GALNT10: variants seen among roughly 807,000 people sequenced by gnomAD.
The protein encoded by GALNT10 is GalNAc transferase 10.
In GALNT10, 41 loss-of-function variants were observed where a neutral mutation model predicts 75.0. The observed-to-expected ratio is 0.55, with a 90% CI of 0.43 to 0.71. The LOEUF is 0.71. GALNT10 is among the 30% of genes least tolerant of loss of function. The probability of loss-of-function intolerance (pLI) is 0.00; values close to 1 mark genes in which losing one functional copy is unlikely to be tolerated. For synonymous variants in GALNT10, 302 were observed against 313.0 expected (o/e 0.96, Z 0.37); for missense variants, 727 against 818.5 (o/e 0.89, Z 1.36).
At chr5:154,355,223 C>T (rs1755269494) in intron 4 of GALNT10, among the ~76,000 whole-genome samples, 1 of 152,200 alleles carries the variant, frequency 6.6e-6, no homozygotes, top group African/African-American at 2.4e-5. Flanking sequence ...CCCCACCTTC[C>T]TGTCCAACCT....
At chr5:154,291,934 T>C (rs1273939386) in intron 1 of GALNT10, among the ~76,000 whole-genome samples, 1 of 152,158 alleles carries the variant, frequency 6.6e-6, no homozygotes, top group East Asian at 1.9e-4. Context: ...GCTGATGAGC[T>C]GAGGGAAGTC....
At chr5:154,358,571 G>T (rs1755332977) in intron 4 of GALNT10, among the ~76,000 whole-genome samples, 2 of 152,090 alleles carry the variant, frequency 1.3e-5, no homozygotes, top group South Asian at 4.1e-4. Context: ...GCTGCTCTTA[G>T]AGCCTCTCTC....
At chr5:154,282,913 T>C (rs1754058763) in intron 1 of GALNT10, among the ~76,000 whole-genome samples, 1 of 152,184 alleles carries the variant, frequency 6.6e-6, no homozygotes, top group African/African-American at 2.4e-5. Context: ...CAAATGATCA[T>C]CCAAATGAAT....
intron 4 of GALNT10, among the ~76,000 whole-genome samples, chr5:154,365,648 A>G (rs1755463497): frequency 2.0e-5 from 3 of 152,094 alleles, no homozygotes; most frequent in Admixed American, 2.0e-4. Flanking sequence ...TTTACATCAC[A>G]TACTCTATAG....
At chr5:154,406,670 G>A (rs377539138) in intron 8 of GALNT10, among the ~76,000 whole-genome samples, 104 of 152,220 alleles carry the variant, frequency 6.8e-4, no homozygotes, top group African/African-American at 2.3e-3. Flanking sequence ...GGTGGTGTGC[G>A]CCTGTAATAC....
intron 10 of GALNT10, among the ~76,000 whole-genome samples, chr5:154,413,395 G>A (rs1182124617): frequency 6.6e-6 from 1 of 152,220 alleles, no homozygotes; most frequent in Non-Finnish European, 1.5e-5. Flanking sequence ...GCAGCCCCAT[G>A]GATAGGCATG....
At chr5:154,379,868 G>A (rs900479119) in intron 5 of GALNT10, among the ~76,000 whole-genome samples, 1 of 152,116 alleles carries the variant, frequency 6.6e-6, no homozygotes, top group African/African-American at 2.4e-5. Context: ...CCATAGTTCC[G>A]ATGATTGAAA....
At chr5:154,287,727 G>A (rs959119295) in intron 1 of GALNT10, among the ~76,000 whole-genome samples, 1 of 152,068 alleles carries the variant, frequency 6.6e-6, no homozygotes, top group African/African-American at 2.4e-5. Flanking sequence ...TCATTGTTTG[G>A]ATGAATGAAT....
chr5:154,413,909 G>A (rs758053136), intron 10 of GALNT10, among the ~76,000 whole-genome samples: 2 of 152,142 alleles, frequency 1.3e-5, no homozygotes, highest in Non-Finnish European at 2.9e-5. Flanking sequence ...TAAAGGACTT[G>A]TATCTAGAAT....
chr5:154,243,855 T>G (rs571213702), intron 1 of GALNT10, among the ~76,000 whole-genome samples: 1 of 152,340 alleles, frequency 6.6e-6, no homozygotes, highest in African/African-American at 2.4e-5. Context: ...ACAGATATTA[T>G]AAATTGGTCC....
intron 1 of GALNT10, among the ~76,000 whole-genome samples, chr5:154,245,977 G>A (rs1285562720): frequency 2.3e-5 from 3 of 129,932 alleles, no homozygotes; most frequent in Non-Finnish European, 3.2e-5. Context: ...CCCCACAACA[G>A]GCCCCAGAGT....
chr5:154,208,873 G>A (rs960809109), intron 1 of GALNT10, among the ~76,000 whole-genome samples: 1 of 152,186 alleles, frequency 6.6e-6, no homozygotes, highest in Non-Finnish European at 1.5e-5. Flanking sequence ...CCCCAGTGTT[G>A]AGTTAACAGC....
chr5:154,316,247 T>G (rs1486816955), intron 3 of GALNT10, among the ~76,000 whole-genome samples: 1 of 152,218 alleles, frequency 6.6e-6, no homozygotes, highest in Non-Finnish European at 1.5e-5. Flanking sequence ...TGATTTAGAT[T>G]TGTTATTTAC....
intron 1 of GALNT10, among the ~76,000 whole-genome samples, chr5:154,286,602 G>A (rs527495903): frequency 4.6e-5 from 7 of 151,998 alleles, no homozygotes; most frequent in African/African-American, 1.7e-4. Flanking sequence ...ACCTTTTCTA[G>A]AGCCACCTAC....
intron 1 of GALNT10, among the ~76,000 whole-genome samples, chr5:154,267,743 G>A (rs1037665491): frequency 1.1e-4 from 17 of 152,150 alleles, no homozygotes; most frequent in Admixed American, 9.2e-4. Context: ...CCAAAAGCAT[G>A]TGATTTTCCC....
intron 7 of GALNT10, among the ~76,000 whole-genome samples, chr5:154,390,543 A>C (rs1755878872): frequency 6.6e-6 from 1 of 152,254 alleles, no homozygotes; most frequent in African/African-American, 2.4e-5. Context: ...ATCCTCAAGA[A>C]GACTTCTAAA....
chr5:154,412,338 C>T lies in GALNT10; in HGVS notation c.1387-551C>T, dbSNP rs1756414483. Among the ~76,000 whole-genome samples, 1 of 152,236 alleles carries T rather than the reference C, an allele frequency of 6.6e-6. No homozygotes were observed. Among genetic ancestry groups the T allele is most frequent in the Non-Finnish European group, 1.5e-5 (1 of 68,042 alleles). On this transcript the variant is annotated intron_variant, in intron 9 of 11. Transcript: ENST00000297107. The surrounding 1 kb of genome is among the most constrained non-coding windows in gnomAD (Gnocchi z 4.2). ...TCCTAGCCCAGTGCTCTTCCCACCA[C>T]ACCCGTCTTCATGGTTGAAGGGGAA...
chr5:154,210,460 G>T (rs1313412606), intron 1 of GALNT10, among the ~76,000 whole-genome samples: 1 of 152,090 alleles, frequency 6.6e-6, no homozygotes, highest in Non-Finnish European at 1.5e-5. Flanking sequence ...GGCAGCTCAG[G>T]TGTCCCTATT....
At chr5:154,406,901 C>T (rs1756293579) in intron 8 of GALNT10, among the ~76,000 whole-genome samples, 1 of 152,186 alleles carries the variant, frequency 6.6e-6, no homozygotes, top group Non-Finnish European at 1.5e-5. Context: ...GTCCTAATAG[C>T]TCCGAGAGAG....
Sources: allele counts gnomAD v4.1 joint callset (sites outside exome capture counted in the v4.1 genomes callset), GRCh38; gene constraint gnomAD v4.1.1; non-coding constraint Gnocchi (gnomAD v3.1); transcripts MANE v1.5; gene names NCBI Gene and HGNC (gene_info 2026-07-23, HGNC 2026-07-21).